Variants in ADGRL4 observed in about 807,000 individuals in gnomAD.
ADGRL4 encodes EGF, latrophilin and seven transmembrane domain containing 1.
A neutral mutation model predicts 74.8 loss-of-function variants in ADGRL4; 90 were observed. The ratio of observed to expected loss-of-function variants is 1.20; its 90% CI spans 1.02 to 1.43. The LOEUF (loss-of-function observed/expected upper bound fraction) is 1.43. Among genes scored for constraint, ADGRL4 ranks in the 40% most tolerant of loss-of-function variants. ADGRL4 has a pLI of 0.00. For synonymous variants in ADGRL4, 311 were observed against 279.2 expected, an observed-to-expected ratio of 1.11 and a Z score of -1.14; for missense variants, 881 against 814.3, an observed-to-expected ratio of 1.08 and a Z score of -1.00.
At chr1:78,945,174 A>AT (rs1389609856) in intron 3 of ADGRL4, among the ~76,000 whole-genome samples, 154 of 129,276 alleles carry the variant, frequency 1.2e-3, no homozygotes, top group East Asian at 9.5e-3. Flanking sequence ...CAAAAAAAAA[A>AT]AAAATATATA....
Position 78,890,632 on chromosome 1 carries a change from C to T in ADGRL4, c.*522G>A, listed in dbSNP as rs950369449. ...TCTTCAATTCTTTATTTTATGTCAA[C>T]AATTTCTCAGCTAGTCTACAGAAAA... On this transcript the variant is annotated 3_prime_UTR_variant, in exon 15 of 15. Coordinates refer to ENST00000370742, the MANE Select transcript of ADGRL4 (RefSeq NM_022159.4). The T allele has an allele frequency of 2.0e-5, 3 of 152,070 alleles. No individual in the cohort carries two copies. Among genetic ancestry groups the T allele is most frequent in the Non-Finnish European group, 2.9e-5 (2 of 68,084 alleles). The allele number at this position is 152,070 out of a possible 1,614,324, so 9.4% of individuals were successfully genotyped here.
At chr1:79,005,261 A>T in intron 1 of ADGRL4, 42 bp from the exon 2 acceptor site, 1 of 1,444,296 alleles carries the variant, frequency 6.9e-7, no homozygotes, top group Non-Finnish European at 9.5e-7. Context: ...AAAGTAAAAC[A>T]AACATCTCTC....
chr1:78,933,360 C>T (rs113479178), intron 7 of ADGRL4, among the ~76,000 whole-genome samples: 4,607 of 151,480 alleles, frequency 0.03, 140 homozygotes, highest in South Asian at 0.053. Context: ...GCAGAAAAGG[C>T]ATTTGACAAA....
intron 2 of ADGRL4, among the ~76,000 whole-genome samples, chr1:78,979,773 G>A (rs1056764585): frequency 6.6e-6 from 1 of 151,906 alleles, no homozygotes; most frequent in South Asian, 2.1e-4. Context: ...GCAGGAGGCC[G>A]TTATTCTAAG....
At chr1:78,961,961 ACCC>A (rs1421125989) in intron 2 of ADGRL4, among the ~76,000 whole-genome samples, 1 of 151,462 alleles carries the variant, frequency 6.6e-6, no homozygotes, top group Non-Finnish European at 1.5e-5. Context: ...GCTCACTGCA[ACCC>A]CTGCCTCCCA....
intron 12 of ADGRL4, among the ~76,000 whole-genome samples, chr1:78,907,937 G>T (rs939674747): frequency 2.6e-5 from 4 of 151,880 alleles, no homozygotes; most frequent in Non-Finnish European, 5.9e-5. Flanking sequence ...AATGATTTTT[G>T]CATCAAAAAG....
Position 78,890,149 on chromosome 1 carries a change from T to A in ADGRL4, c.*1005A>T, listed in dbSNP as rs1472290717. 1 of 153,948 alleles carries A rather than the reference T, an allele frequency of 6.5e-6. No homozygotes were observed. Among genetic ancestry groups the A allele is most frequent in the Admixed American group, 6.6e-5 (1 of 15,262 alleles). The allele number at this position is 153,948 out of a possible 1,614,324, so 9.5% of individuals were successfully genotyped here. The stretch of plus-strand genomic sequence containing the variant: ...ACAGAAAAAATAGCAATTCACTTTA[T>A]AAATACTTTCATATTTACAATACCC... On this transcript the variant is annotated 3_prime_UTR_variant, in exon 15 of 15. Coordinates refer to ENST00000370742, the MANE Select transcript of ADGRL4 (RefSeq NM_022159.4).
chr1:78,939,154 CAAAAT>C (rs746197074), intron 4 of ADGRL4, 29 bp downstream of exon 4: 72 of 1,516,824 alleles, frequency 4.7e-5, no homozygotes, highest in Non-Finnish European at 4.4e-5. Flanking sequence ...ACCAAAATGT[CAAAAT>C]AAAATAAATT....
At chr1:78,988,637 T>A (rs938479356) in intron 2 of ADGRL4, among the ~76,000 whole-genome samples, 1 of 151,816 alleles carries the variant, frequency 6.6e-6, no homozygotes, top group Non-Finnish European at 1.5e-5. Flanking sequence ...GTAATTCCAG[T>A]CATCCCTCTC....
At chr1:78,913,187 T>A (rs1036189105) in intron 12 of ADGRL4, among the ~76,000 whole-genome samples, 5 of 151,960 alleles carry the variant, frequency 3.3e-5, no homozygotes, top group Non-Finnish European at 7.4e-5. Flanking sequence ...ACACTGTTGG[T>A]GGGAGTATAA....
chr1:78,983,022 AT>A (rs1311331555), intron 2 of ADGRL4, among the ~76,000 whole-genome samples: 2 of 151,846 alleles, frequency 1.3e-5, no homozygotes, highest in Admixed American at 6.6e-5. Flanking sequence ...AGTGGGAGTC[AT>A]TTAAGAATGT....
At chr1:78,917,748 GT>G in intron 11 of ADGRL4, 48 bp from the exon 12 acceptor site, 1 of 1,584,250 alleles carries the variant, frequency 6.3e-7, no homozygotes, top group Non-Finnish European at 8.7e-7. Context: ...TTGCATGTAT[GT>G]TAACATAGCA....
rs370778799 is a variant in ADGRL4, at chr1:78,946,429, G to C, written c.173-3C>G. ...TAAATTTCCACATTCATTATCATCT[G>C]TTGGCATATGAATTTAAAAGATTAT... On this transcript the variant is annotated splice_region_variant and splice_polypyrimidine_tract_variant and intron_variant, in intron 2 of 14. Transcript: ENST00000370742. 6.3e-7 allele frequency: 1 copy of C among 1,596,258 alleles called. No individual in the cohort carries two copies. Among genetic ancestry groups the C allele is most frequent in the Non-Finnish European group, 8.5e-7 (1 of 1,172,740 alleles).
chr1:78,919,064 T>C (rs899041505), intron 10 of ADGRL4, among the ~76,000 whole-genome samples: 1 of 151,948 alleles, frequency 6.6e-6, no homozygotes, highest in East Asian at 1.9e-4. Flanking sequence ...GTGTTACGAA[T>C]ACCACTGCAA....
At chr1:78,937,769 A>G (rs1308998903) in intron 6 of ADGRL4, 38 bp downstream of exon 6, 2 of 1,573,898 alleles carry the variant, frequency 1.3e-6, no homozygotes, top group Non-Finnish European at 1.7e-6. Flanking sequence ...GCTTATTTGG[A>G]AAACACAATT....
At position 78,946,293 on chromosome 1, in the gene ADGRL4, A is replaced by G. The variant is rs1443150032; in HGVS notation, c.306T>C (p.Asn102=). 1.9e-6 allele frequency: 3 copies of G among 1,612,332 alleles called. No individual in the cohort carries two copies. Among genetic ancestry groups the G allele is most frequent in the Middle Eastern group, 1.7e-4 (1 of 6,042 alleles). ...ACTTACCTATACAGACGGTTCCATC[A>G]TTAGTGATAAACCTGTCTTGGTTAC... The part of the protein sequence containing the change: ...SSSNQDRFIT[N]DGTVCIENVN... The change falls in exon 3 of 15, where the codon AAT becomes AAC. Residue 102 remains asparagine (N), a synonymous_variant. Transcript: ENST00000370742.
chr1:78,955,510 C>G (rs562837842), intron 2 of ADGRL4, among the ~76,000 whole-genome samples: 1 of 151,890 alleles, frequency 6.6e-6, no homozygotes, highest in Non-Finnish European at 1.5e-5. Flanking sequence ...CATTTATACT[C>G]CTAACATTAT....
chr1:79,004,372 TGGAA>T (rs1187792994), intron 2 of ADGRL4, among the ~76,000 whole-genome samples: 1 of 151,150 alleles, frequency 6.6e-6, no homozygotes, highest in Non-Finnish European at 1.5e-5. Context: ...GTTGGGGGAG[TGGAA>T]GATTGGGGTA....
At chr1:78,899,242 C>A (rs1250466335) in intron 12 of ADGRL4, among the ~76,000 whole-genome samples, 1 of 152,184 alleles carries the variant, frequency 6.6e-6, no homozygotes, top group Non-Finnish European at 1.5e-5. Flanking sequence ...CTAGGACAGA[C>A]CTGCTTTTGC....
Sources: allele counts gnomAD v4.1 joint callset (sites outside exome capture counted in the v4.1 genomes callset), GRCh38; gene constraint gnomAD v4.1.1; transcripts MANE v1.5; gene names NCBI Gene and HGNC (gene_info 2026-07-23, HGNC 2026-07-21).